Variants in UBE3C observed in about 807,000 individuals in gnomAD.
The protein encoded by UBE3C is ubiquitin-protein ligase E3C.
UBE3C carries 42 observed loss-of-function variants against 129.4 expected under a neutral mutation model. The observed-to-expected ratio is 0.32, with a 90% CI of 0.25 to 0.42. The LOEUF (loss-of-function observed/expected upper bound fraction) is 0.42, where lower values mean the gene tolerates loss of function less well. UBE3C is among the 10% of genes least tolerant of loss of function. The pLI is 1.00. For synonymous variants in UBE3C, 510 were observed against 492.4 expected (o/e 1.04, Z -0.47); for missense variants, 1,049 against 1,319.1 (o/e 0.80, Z 3.17).
chr7:157,153,947 A>G (rs1807829993), intron 1 of UBE3C, among the ~76,000 whole-genome samples: 1 of 152,036 alleles, frequency 6.6e-6, no homozygotes, highest in Non-Finnish European at 1.5e-5. Flanking sequence ...GAGTGAGCCA[A>G]GACCGCGCCA....
At chr7:157,161,611 T>G (rs890770026) in intron 1 of UBE3C, among the ~76,000 whole-genome samples, 4 of 152,060 alleles carry the variant, frequency 2.6e-5, no homozygotes, top group African/African-American at 9.7e-5. Context: ...CCACCATGCC[T>G]TGCTAATTTG....
intron 17 of UBE3C, among the ~76,000 whole-genome samples, chr7:157,229,465 C>G (rs1795963438): frequency 6.6e-6 from 1 of 152,134 alleles, no homozygotes; most frequent in Non-Finnish European, 1.5e-5. Context: ...CAGGCATGCA[C>G]CACCACGCCC....
chr7:157,199,755 TC>T (rs1344705045), intron 10 of UBE3C, among the ~76,000 whole-genome samples: 10 of 152,186 alleles, frequency 6.6e-5, no homozygotes, highest in Non-Finnish European at 1.3e-4. Flanking sequence ...ACAGGCGTGA[TC>T]CACCAGGTCC....
intron 10 of UBE3C, among the ~76,000 whole-genome samples, chr7:157,195,810 T>C (rs1459214614): frequency 6.6e-6 from 1 of 152,196 alleles, no homozygotes; most frequent in African/African-American, 2.4e-5. Flanking sequence ...TGAGCACCTA[T>C]GAGTGACGTA....
Position 157,231,266 on chromosome 7 carries a change from A to G in UBE3C, c.2420A>G (p.Gln807Arg), listed in dbSNP as rs201615154. The change falls in exon 18 of 23, where the codon CAG becomes CGG. Residue 807 changes from glutamine to arginine, a missense_variant. Coordinates refer to ENST00000348165, the MANE Select transcript of UBE3C (RefSeq NM_014671.3). ...EGLLYPNPAA[Q>R]MLVGDSFARH... ...CTTCTGTACCCCAACCCGGCTGCTC[A>G]GATGCTTGTGGGAGATTCTTTTGCC... 49 of 1,614,190 alleles carry G rather than the reference A, an allele frequency of 3.0e-5. No individual in the cohort carries two copies. Among genetic ancestry groups the G allele is most frequent in the Non-Finnish European group, 4.2e-5 (49 of 1,180,036 alleles).
At chr7:157,253,771 T>A (rs1262960154) in intron 19 of UBE3C, among the ~76,000 whole-genome samples, 183 bp from the exon 20 acceptor site, 1 of 152,220 alleles carries the variant, frequency 6.6e-6, no homozygotes, top group Non-Finnish European at 1.5e-5. Context: ...CTTCGGAGAC[T>A]CTTCCTGGAG....
chr7:157,181,654 C>T lies in UBE3C; in HGVS notation c.753C>T (p.Ser251=). 8 of 1,613,674 alleles carry T rather than the reference C, an allele frequency of 5.0e-6. No homozygotes were observed. Among genetic ancestry groups the T allele is most frequent in the Non-Finnish European group, 6.8e-6 (8 of 1,179,890 alleles). The stretch of plus-strand genomic sequence containing the variant: ...AACCATTGCACTTTACTTACAACTC[C>T]TGTCCGGAAGGTGCGAGGTGAGACT... ...VLKPLHFTYN[S]CPEGARQQVF... The change falls in exon 7 of 23, where the codon TCC becomes TCT. Residue 251 remains serine, a synonymous_variant. Coordinates refer to ENST00000348165, the MANE Select transcript of UBE3C (RefSeq NM_014671.3).
intron 18 of UBE3C, among the ~76,000 whole-genome samples, chr7:157,233,954 C>T (rs987414109): frequency 6.6e-6 from 1 of 152,178 alleles, no homozygotes; most frequent in African/African-American, 2.4e-5. Context: ...ATAATGTTGA[C>T]CATCTTTTCA....
At chr7:157,150,996 C>T (rs987087753) in intron 1 of UBE3C, among the ~76,000 whole-genome samples, 8 of 152,166 alleles carry the variant, frequency 5.3e-5, no homozygotes, top group African/African-American at 1.9e-4. Context: ...TTAGGGATAC[C>T]GTGTCCTCAT....
At chr7:157,197,505 A>ATT in intron 10 of UBE3C, 1 of 798,876 alleles carries the variant, frequency 1.3e-6, no homozygotes, top group Non-Finnish European at 1.8e-6. Context: ...AATAAAAATA[A>ATT]TTTGTTTTTT....
intron 17 of UBE3C, 24 bp downstream of exon 17, chr7:157,225,563 T>C: frequency 2.0e-6 from 3 of 1,537,702 alleles, no homozygotes; most frequent in Non-Finnish European, 1.7e-6. Context: ...TTTCTGTGTA[T>C]TATTTGGCAG....
At chr7:157,150,042 C>G (rs962754176) in intron 1 of UBE3C, among the ~76,000 whole-genome samples, 1 of 152,174 alleles carries the variant, frequency 6.6e-6, no homozygotes, top group Non-Finnish European at 1.5e-5. Flanking sequence ...CATACAGACA[C>G]TGGGCACAAC....
intron 14 of UBE3C, among the ~76,000 whole-genome samples, chr7:157,217,743 A>C (rs1325842028): frequency 1.3e-5 from 2 of 152,212 alleles, no homozygotes; most frequent in Non-Finnish European, 1.5e-5. Flanking sequence ...AGGCTAAGGC[A>C]GGAGAATCAC....
intron 4 of UBE3C, among the ~76,000 whole-genome samples, chr7:157,171,224 C>G (rs1190712370): frequency 6.6e-6 from 1 of 152,152 alleles, no homozygotes; most frequent in African/African-American, 2.4e-5. Flanking sequence ...CTCCCGGGCT[C>G]AAGCAATCGG....
chr7:157,186,706 T>G, intron 9 of UBE3C, 128 bp from the exon 10 acceptor site: 2 of 1,025,346 alleles, frequency 2.0e-6, no homozygotes, highest in Non-Finnish European at 1.4e-6. Context: ...TACTGTGATG[T>G]AGATAATTTT....
chr7:157,171,237 G>T (rs1808358731), intron 4 of UBE3C, among the ~76,000 whole-genome samples: 1 of 152,018 alleles, frequency 6.6e-6, no homozygotes, highest in South Asian at 2.1e-4. Flanking sequence ...GCAATCGGTG[G>T]TGTCTCAGCC....
chr7:157,207,293 G>A (rs1809459026), intron 11 of UBE3C, 105 bp from the exon 12 acceptor site: 1 of 1,466,566 alleles, frequency 6.8e-7, no homozygotes, highest in African/African-American at 1.4e-5. Flanking sequence ...TAATGCAAAT[G>A]TTACTTTCCC....
intron 18 of UBE3C, among the ~76,000 whole-genome samples, chr7:157,234,854 A>G (rs939969625): frequency 4.6e-5 from 7 of 152,158 alleles, no homozygotes; most frequent in Non-Finnish European, 7.3e-5. Context: ...TCTCAGTTTC[A>G]GCTTCCCCTG....
chr7:157,223,141 T>G (rs949936117), intron 15 of UBE3C, 113 bp from the exon 16 acceptor site: 1 of 1,127,882 alleles, frequency 8.9e-7, no homozygotes, highest in African/African-American at 1.5e-5. Context: ...GGAACTGGAT[T>G]TAGATAAATG....
Sources: allele counts gnomAD v4.1 joint callset (sites outside exome capture counted in the v4.1 genomes callset), GRCh38; gene constraint gnomAD v4.1.1; transcripts MANE v1.5; gene names NCBI Gene and HGNC (gene_info 2026-07-23, HGNC 2026-07-21).